The following KIAA0319 variants were observed in gnomAD, a reference collection of about 807,000 sequenced individuals.
The protein encoded by KIAA0319 is dyslexia-associated protein KIAA0319.
KIAA0319 carries 83 observed loss-of-function variants against 108.4 expected under a neutral mutation model. That is an observed-to-expected ratio of 0.77 (90% CI 0.64 to 0.92). KIAA0319 has a LOEUF of 0.92. Among genes scored for constraint, KIAA0319 ranks in the 40% least tolerant of loss-of-function variants. KIAA0319 has a pLI of 0.00. For synonymous variants in KIAA0319, 484 were observed against 510.4 expected (o/e 0.95, Z 0.70); for missense variants, 1,195 against 1,322.4 (o/e 0.90, Z 1.49).
chr6:24,581,097 G>A (rs1766465102), intron 6 of KIAA0319, 84 bp from the exon 7 acceptor site: 1 of 830,940 alleles, frequency 1.2e-6, no homozygotes, highest in Non-Finnish European at 2.1e-6. Context: ...TGTCCCAGAA[G>A]CCGCACTCCT....
intron 11 of KIAA0319, among the ~76,000 whole-genome samples, chr6:24,571,284 G>A (rs928356126): frequency 1.3e-5 from 2 of 151,016 alleles, no homozygotes; most frequent in Non-Finnish European, 2.9e-5. Context: ...GCTTACACCT[G>A]TAATCCCAGT....
intron 1 of KIAA0319, among the ~76,000 whole-genome samples, chr6:24,620,571 G>A (rs569623244): frequency 2.6e-5 from 4 of 152,328 alleles, no homozygotes; most frequent in South Asian, 2.1e-4. Flanking sequence ...AAAATGCTGG[G>A]ATTACAGGCA....
Position 24,544,694 on chromosome 6 carries a change from A to T in KIAA0319, c.*2471T>A, listed in dbSNP as rs369660736. 1.3e-5 allele frequency: 2 copies of T among 151,930 alleles called. No individual in the cohort carries two copies. Among genetic ancestry groups the T allele is most frequent in the East Asian group, 3.9e-4 (2 of 5,176 alleles). The allele number at this position is 151,930 out of a possible 1,614,324, so 9.4% of individuals were successfully genotyped here. ...TAGCCTGTGAGCCCTACAAACACCC[A>T]CTCCCATATTCTAGGGCCTGTTTTT... On this transcript the variant is annotated 3_prime_UTR_variant, in exon 21 of 21. Coordinates refer to ENST00000378214, the MANE Select transcript of KIAA0319 (RefSeq NM_014809.4).
At chr6:24,644,934 AT>A (rs1341025252) in intron 1 of KIAA0319, among the ~76,000 whole-genome samples, 2 of 152,360 alleles carry the variant, frequency 1.3e-5, no homozygotes, top group East Asian at 3.9e-4. Context: ...TGAATTAAAA[AT>A]AATACTAAAA....
At chr6:24,587,665 C>T (rs1582088274) in intron 4 of KIAA0319, among the ~76,000 whole-genome samples, 1 of 152,236 alleles carries the variant, frequency 6.6e-6, no homozygotes, top group Non-Finnish European at 1.5e-5. Context: ...CAGCTAACTG[C>T]AACCTCTGCC....
intron 4 of KIAA0319, among the ~76,000 whole-genome samples, chr6:24,586,512 C>G (rs960255971): frequency 6.6e-6 from 1 of 152,200 alleles, no homozygotes; most frequent in Non-Finnish European, 1.5e-5. Context: ...CCTGACAAAT[C>G]TGCATAATGA....
At position 24,578,171 on chromosome 6, in the gene KIAA0319, T is replaced by C; in HGVS notation, c.1444A>G (p.Thr482Ala). The change falls in exon 9 of 21, where the codon ACT (threonine) becomes GCT (alanine). Residue 482 changes from threonine (T) to alanine (A), a missense_variant. Coordinates refer to ENST00000378214, the MANE Select transcript of KIAA0319 (RefSeq NM_014809.4). Reference protein sequence around the residue: ...EINGPFIEEKTSVDSPVLRLS... With the variant: ...EINGPFIEEKASVDSPVLRLS... Reference sequence around the variant, plus strand: ...CGTAAGACGGGAGAGTCAACTGAAGTCTTCTCTTCTATGAAGGGCCCGTTT... The same window carrying C: ...CGTAAGACGGGAGAGTCAACTGAAGCCTTCTCTTCTATGAAGGGCCCGTTT... 1.9e-6 allele frequency: 3 copies of C among 1,613,060 alleles called. No homozygotes were observed. Among genetic ancestry groups the C allele is most frequent in the Non-Finnish European group, 2.5e-6 (3 of 1,179,188 alleles).
At chr6:24,639,051 A>G (rs1776579756) in intron 1 of KIAA0319, among the ~76,000 whole-genome samples, 1 of 152,220 alleles carries the variant, frequency 6.6e-6, no homozygotes, top group Admixed American at 6.5e-5. Context: ...TGGTAAATAC[A>G]GCCAATTTTT....
intron 19 of KIAA0319, among the ~76,000 whole-genome samples, chr6:24,553,276 T>G (rs1355567106): frequency 4.1e-5 from 3 of 73,698 alleles, no homozygotes; most frequent in Non-Finnish European, 7.8e-5. Flanking sequence ...GTGAGATAGA[T>G]ATATATATAT....
intron 13 of KIAA0319, among the ~76,000 whole-genome samples, chr6:24,567,180 A>G (rs1242270522): frequency 2.9e-5 from 1 of 34,406 alleles, no homozygotes; most frequent in Non-Finnish European, 6.3e-5. Context: ...TTGACTCTCT[A>G]AGACAAAAAA....
chr6:24,594,660 A>T (rs1008696940), intron 3 of KIAA0319, among the ~76,000 whole-genome samples: 1 of 151,694 alleles, frequency 6.6e-6, no homozygotes, highest in African/African-American at 2.4e-5. Context: ...AAAAACACTT[A>T]AAAATGACTT....
intron 19 of KIAA0319, among the ~76,000 whole-genome samples, chr6:24,553,340 C>T (rs62400522): frequency 0.018 from 2,188 of 124,494 alleles, 36 homozygotes; most frequent in Non-Finnish European, 0.023. Flanking sequence ...CACACACGCA[C>T]ATATATATAT....
At chr6:24,615,067 C>T (rs1252832176) in intron 1 of KIAA0319, among the ~76,000 whole-genome samples, 1 of 152,120 alleles carries the variant, frequency 6.6e-6, no homozygotes, top group Non-Finnish European at 1.5e-5. Context: ...TAAAAGTGAA[C>T]TGTAATATAC....
Position 24,599,568 on chromosome 6 carries a change from A to G in KIAA0319, c.55+1481T>C, listed in dbSNP as rs1770298233. ...CGAGGAGAGCTGGCTGGAGTCTGGG[A>G]TGCAGAACATGAATATCCATACAAA... On this transcript the variant is annotated intron_variant, in intron 2 of 20. Transcript: ENST00000378214. This position sits in a 1 kb window ranked among gnomAD's most constrained non-coding sequence, Gnocchi z 4.1. 8.4e-6 allele frequency: 5 copies of G among 598,052 alleles called. No individual in the cohort carries two copies. Among genetic ancestry groups the G allele is most frequent in the Admixed American group, 7.6e-5 (4 of 52,786 alleles). 37.0% of individuals were successfully genotyped at this position (598,052 alleles called of 1,614,324 possible). A position where few individuals can be genotyped will look rare whatever the true frequency, so the allele number is the denominator to read the frequency against.
chr6:24,633,938 A>T (rs551228693), intron 1 of KIAA0319, among the ~76,000 whole-genome samples: 1 of 152,242 alleles, frequency 6.6e-6, no homozygotes, highest in South Asian at 2.1e-4. Context: ...TCAAAAGACA[A>T]ACAAAAAATT....
intron 1 of KIAA0319, among the ~76,000 whole-genome samples, chr6:24,606,119 T>C (rs1322306367): frequency 6.6e-6 from 1 of 152,142 alleles, no homozygotes; most frequent in Non-Finnish European, 1.5e-5. Context: ...ACTTTTTTAG[T>C]AGAGACAGGA....
Position 24,583,318 on chromosome 6 carries a change from C to G in KIAA0319, c.1093+286G>C, listed in dbSNP as rs1381201689. 7 of 866,078 alleles carry G rather than the reference C, an allele frequency of 8.1e-6. No individual in the cohort carries two copies. In the East Asian group the frequency reaches 4.9e-4, roughly 61 times the overall value. The allele number at this position is 866,078 out of a possible 1,614,324, so 53.6% of individuals were successfully genotyped here. ...GGTTATTACAGTTCAAGAACTGGTA[C>G]GTGGCAGCCTCTCCTGATCTGCTTT... On this transcript the variant is annotated intron_variant, in intron 5 of 20. Coordinates refer to ENST00000378214, the MANE Select transcript of KIAA0319 (RefSeq NM_014809.4).
At chr6:24,557,323 G>A (rs1167139410) in intron 17 of KIAA0319, among the ~76,000 whole-genome samples, 2 of 151,936 alleles carry the variant, frequency 1.3e-5, no homozygotes, top group African/African-American at 2.4e-5. Context: ...CCAATATAGC[G>A]AAACCCCACC....
rs2127532169 is a variant in KIAA0319 at position 24,599,891 on chromosome 6, C to T, written c.55+1158G>A. 3.0e-6 allele frequency: 1 copy of T among 338,210 alleles called. No individual in the cohort carries two copies. The highest frequency in any genetic ancestry group is 8.5e-5 in the East Asian group (1 of 11,768). 21.0% of individuals were successfully genotyped at this position (338,210 alleles called of 1,614,324 possible). On this transcript the variant is annotated intron_variant, in intron 2 of 20. Transcript: ENST00000378214. This position sits in a 1 kb window ranked among gnomAD's most constrained non-coding sequence, Gnocchi z 4.1. ...GGAGCATAGGGAACAGGAGACCCACCTGAGGCTCAGCGCTCGCCCTCAGCC... is the reference window on the plus strand; with the variant it reads ...GGAGCATAGGGAACAGGAGACCCACTTGAGGCTCAGCGCTCGCCCTCAGCC...
Sources: allele counts gnomAD v4.1 joint callset (sites outside exome capture counted in the v4.1 genomes callset), GRCh38; gene constraint gnomAD v4.1.1; non-coding constraint Gnocchi (gnomAD v3.1); transcripts MANE v1.5; gene names NCBI Gene and HGNC (gene_info 2026-07-23, HGNC 2026-07-21).